SYMPK: variants seen among roughly 807,000 people sequenced by gnomAD.
The protein encoded by SYMPK is symplekin scaffold protein.
Under a neutral mutation model 136.4 loss-of-function variants are expected in SYMPK, and 49 were observed. The ratio of observed to expected loss-of-function variants is 0.36; its 90% CI spans 0.29 to 0.46. SYMPK has a LOEUF of 0.46. Ranked by LOEUF, SYMPK falls within the 20% of genes least tolerant of loss-of-function variation. The pLI is 1.00. For synonymous variants in SYMPK, 766 were observed against 713.0 expected, an observed-to-expected ratio of 1.07 and a Z score of -1.19; for missense variants, 1,365 against 1,690.0, an observed-to-expected ratio of 0.81 and a Z score of 3.37.
intron 9 of SYMPK, among the ~76,000 whole-genome samples, chr19:45,841,145 G>T (rs1298548580): frequency 6.6e-6 from 1 of 151,732 alleles, no homozygotes; most frequent in Non-Finnish European, 1.5e-5. Context: ...CACCACGCCT[G>T]GCTAATTTTT....
chr19:45,827,654 G>C (rs1971076619), intron 15 of SYMPK, 31 bp from the exon 16 acceptor site: 1 of 1,591,498 alleles, frequency 6.3e-7, no homozygotes, highest in African/African-American at 1.3e-5. Context: ...CCCGAGCTCA[G>C]CCCACCTGAG....
chr19:45,835,917 T>TAAAG (rs71340704), intron 10 of SYMPK, among the ~76,000 whole-genome samples: 4,682 of 147,866 alleles, frequency 0.032, 189 homozygotes, highest in African/African-American at 0.1. Context: ...ATCTCATTCA[T>TAAAG]AAAGAAAGAA....
rs1284513082 is a variant in SYMPK at position 45,848,858 on chromosome 19, C to T, written c.318G>A (p.Leu106=). 2 of 1,614,014 alleles carry T rather than the reference C, an allele frequency of 1.2e-6. No homozygotes were observed. Among genetic ancestry groups the T allele is most frequent in the Non-Finnish European group, 8.5e-7 (1 of 1,180,012 alleles). ...TGAGGTTTGCAATGAGTTTCAGCAG[C>T]AACTCAATGTCTCGCTTGCTGAGGG... ...IEEACKRDIE[L]LLKLIANLNM... Residue 106 remains leucine, a synonymous_variant, in exon 6 of 27, where the codon TTG becomes TTA. Transcript: ENST00000245934.
At position 45,823,825 on chromosome 19, in the gene SYMPK, A is replaced by G; in HGVS notation, c.2541T>C (p.Asn847=). 1 of 1,613,894 alleles carries G rather than the reference A, an allele frequency of 6.2e-7. No individual in the cohort carries two copies. Among genetic ancestry groups the G allele is most frequent in the Non-Finnish European group, 8.5e-7 (1 of 1,179,984 alleles). The part of the protein sequence containing the change: ...NSPELLLLVE[N]CPKGAETLVT... ...CCAGTGTCTCTGCTCCCTTGGGACA[A>G]TTTTCCACCAGCAGGAGCAGCTCCG... Residue 847 remains asparagine, a synonymous_variant, in exon 19 of 27, where the codon AAT becomes AAC. Transcript: ENST00000245934.
Position 45,842,288 on chromosome 19 carries a change from C to T in SYMPK, c.1049G>A (p.Arg350His), listed in dbSNP as rs770888957. Reference protein sequence around the residue: ...PSSKDTRKRPRDDSDSTLKKM... With the variant: ...PSSKDTRKRPHDDSDSTLKKM... ...CTTGAGTGTGGAGTCCGAGTCATCG[C>T]GGGGCCGCTTGCGGGTGTCCTTGCT... The change falls in exon 9 of 27, where the codon CGC (arginine) becomes CAC (histidine). Residue 350 changes from arginine to histidine, a missense_variant. Physicochemically the swap from Arg to His is conservative, Grantham distance 29. Coordinates refer to ENST00000245934, the MANE Select transcript of SYMPK (RefSeq NM_004819.3). 2.8e-5 allele frequency: 46 copies of T among 1,614,094 alleles called. No individual in the cohort carries two copies. The highest frequency in any genetic ancestry group is 3.3e-4 in the Middle Eastern group (2 of 6,084).
intron 22 of SYMPK, chr19:45,820,855 C>G: frequency 4.3e-6 from 2 of 462,222 alleles, no homozygotes; most frequent in Non-Finnish European, 3.8e-6. Flanking sequence ...GGCGGACCAG[C>G]AGGCTCAGGC....
Position 45,852,355 on chromosome 19 carries a change from T to C in SYMPK, c.256A>G (p.Ile86Val), listed in dbSNP as rs775423921. 14 of 1,614,198 alleles carry C rather than the reference T, an allele frequency of 8.7e-6. No homozygotes were observed. The South Asian group carries it at 8.8e-5, about 10-fold the overall frequency. ...EIIAFQADKS[I>V]EVRKFVIGFI... is the part of the protein sequence containing the mutation. ...CCGATGACAAATTTTCGCACTTCGA[T>C]TGACTTGTCTGCTTGGAATGCGATG... The change falls in exon 5 of 27, where the codon ATC becomes GTC. Residue 86 changes from isoleucine (I) to valine (V), a missense_variant. By Grantham distance (29) the Ile-to-Val change is conservative (BLOSUM62 3). This residue lies in a region of SYMPK where 237 missense variants were observed against 292.9 expected (regional missense o/e 0.81). Transcript: ENST00000245934.
rs1235756174 is a variant in SYMPK at position 45,827,552 on chromosome 19, G to A, written c.2139C>T (p.Tyr713=). The change falls in exon 16 of 27, where the codon TAC becomes TAT. Residue 713 remains tyrosine (Y), a synonymous_variant. Coordinates refer to ENST00000245934, the MANE Select transcript of SYMPK (RefSeq NM_004819.3). Reference sequence around the variant, plus strand: ...AGCTGAGGTCGAGGAGGACATGCAGGTACTGGAACTGGCGGGACGGGCGCT... The same window carrying A: ...AGCTGAGGTCGAGGAGGACATGCAGATACTGGAACTGGCGGGACGGGCGCT... ...IFKRPSRQFQ[Y]LHVLLDLSSH... is the part of the protein sequence containing the mutation. 1.9e-6 allele frequency: 3 copies of A among 1,614,016 alleles called. No homozygotes were observed. Among genetic ancestry groups the A allele is most frequent in the South Asian group, 2.2e-5 (2 of 91,090 alleles).
Position 45,815,410 on chromosome 19 carries a change from G to T in SYMPK, c.*150C>A. On this transcript the variant is annotated 3_prime_UTR_variant, in exon 27 of 27. Coordinates refer to ENST00000245934, the MANE Select transcript of SYMPK (RefSeq NM_004819.3). ...GACTCGAGACGGCACCCGCGCCCCA[G>T]GCCCGCCATCCCTTTTTTTTTTTCT... is the stretch of plus-strand genomic sequence containing the variant. The T allele has an allele frequency of 1.0e-6, 1 of 997,176 alleles. No individual in the cohort carries two copies. 61.8% of individuals were successfully genotyped at this position (997,176 alleles called of 1,614,324 possible).
chr19:45,853,686 G>A (rs890176897), intron 3 of SYMPK, among the ~76,000 whole-genome samples: 4 of 151,780 alleles, frequency 2.6e-5, no homozygotes, highest in African/African-American at 9.7e-5. Flanking sequence ...TCCATGGCTT[G>A]GTTCAAAAGT....
chr19:45,835,216 T>A lies in SYMPK; in HGVS notation c.1255A>T (p.Met419Leu). Residue 419 changes from methionine (M) to leucine (L), a missense_variant, in exon 11 of 27, where the codon ATG becomes TTG. Physicochemically the swap from Met to Leu is conservative, Grantham distance 15. This residue lies in a region of SYMPK where 15 missense variants were observed against 61.4 expected (regional missense o/e 0.24). Transcript: ENST00000245934. ...DNVANLVLIS[M>L]VYLPEAMPAS... Reference sequence around the variant, plus strand: ...GGCATGGCCTCGGGTAGGTACACCATGCTGATGAGGACCTGTGGGATGCCC... The same window carrying A: ...GGCATGGCCTCGGGTAGGTACACCAAGCTGATGAGGACCTGTGGGATGCCC... The A allele has an allele frequency of 6.2e-7, 1 of 1,602,596 alleles. No individual in the cohort carries two copies. The highest frequency in any genetic ancestry group is 1.3e-5 in the African/African-American group (1 of 74,540).
At chr19:45,823,988 T>C in intron 18 of SYMPK, 113 bp from the exon 19 acceptor site, 2 of 627,742 alleles carry the variant, frequency 3.2e-6, no homozygotes, top group East Asian at 3.6e-5. Context: ...GAGACTGAGG[T>C]GACAGGGTTT....
chr19:45,827,735 C>A, intron 15 of SYMPK, 102 bp downstream of exon 15: 1 of 1,517,566 alleles, frequency 6.6e-7, no homozygotes, highest in Non-Finnish European at 9.1e-7. Flanking sequence ...CGGTCCCTCA[C>A]AAAACCCCCG....
chr19:45,828,084 C>G, intron 14 of SYMPK, 166 bp from the exon 15 acceptor site: 1 of 606,972 alleles, frequency 1.6e-6, no homozygotes, highest in Non-Finnish European at 2.9e-6. Flanking sequence ...GGTTCAAAAG[C>G]TGGCGGCTGG....
At chr19:45,827,790 G>A in intron 15 of SYMPK, 47 bp downstream of exon 15, 2 of 1,594,610 alleles carry the variant, frequency 1.3e-6, no homozygotes, top group Non-Finnish European at 1.7e-6. Flanking sequence ...CTCAGGGCAG[G>A]GCCCTGTCCC....
rs765285651 is a variant in SYMPK, at chr19:45,826,203, G to C, written c.2329+23C>G. ...GCGCGGACACAGCAGCGCTCAGTAT[G>C]CATCTGATGACCTGTGCCCAACCTG... On this transcript the variant is annotated intron_variant, in intron 17 of 26. Transcript: ENST00000245934. 8 of 1,603,690 alleles carry C rather than the reference G, an allele frequency of 5.0e-6. No individual in the cohort carries two copies. In the African/African-American group the frequency reaches 9.4e-5, roughly 19 times the overall value.
chr19:45,838,550 C>A lies in SYMPK; in HGVS notation c.1153G>T (p.Ala385Ser). ...LEPGPSGTSK[A>S]SAQISGQSDT... ...GACTGGCCGGAGATCTGCGCTGAGG[C>A]CTTCGAGGTCCCCGACGGGCCTGGC... Residue 385 changes from alanine to serine, a missense_variant, in exon 10 of 27, where the codon GCC becomes TCC. Ala to Ser is a moderately conservative substitution (Grantham distance 99). Coordinates refer to ENST00000245934, the MANE Select transcript of SYMPK (RefSeq NM_004819.3). 3.1e-6 allele frequency: 5 copies of A among 1,614,164 alleles called. No individual in the cohort carries two copies. Among genetic ancestry groups the A allele is most frequent in the South Asian group, 1.1e-5 (1 of 91,076 alleles).
At chr19:45,828,642 G>GA (rs1180701987) in intron 14 of SYMPK, 8 of 351,654 alleles carry the variant, frequency 2.3e-5, no homozygotes, top group Admixed American at 4.4e-5. Context: ...GGGGTGTAGA[G>GA]AAGTCTATCT....
rs1046274143 is a variant in SYMPK, at chr19:45,816,198, G to A, written c.3355-15C>T. 15 of 1,493,976 alleles carry A rather than the reference G, an allele frequency of 1.0e-5. No individual in the cohort carries two copies. The highest frequency in any genetic ancestry group is 1.4e-5 in the African/African-American group (1 of 71,826). 92.5% of individuals were successfully genotyped at this position (1,493,976 alleles called of 1,614,324 possible). On this transcript the variant is annotated splice_polypyrimidine_tract_variant and intron_variant, in intron 25 of 26. Transcript: ENST00000245934. ...TCCAGATCATCCTGGGGATAGGGAG[G>A]GCCACACAGAAGCTCAGAGGTGGGT...
Sources: gnomAD v4.1 joint callset for allele counts (sites outside exome capture counted in the v4.1 genomes callset) on GRCh38, gnomAD v4.1.1 for gene constraint, gnomAD v4.1.1 regional missense constraint, MANE v1.5 for transcripts, NCBI Gene and HGNC (gene_info 2026-07-23, HGNC 2026-07-21) for gene names.